The following NCOA2 variants were observed in gnomAD, a reference collection of about 807,000 sequenced individuals.
NCOA2 encodes class E basic helix-loop-helix protein 75.
Under a neutral mutation model 145.1 loss-of-function variants are expected in NCOA2, and 21 were observed. The observed-to-expected ratio is 0.14, with a 90% CI of 0.10 to 0.21. The LOEUF (loss-of-function observed/expected upper bound fraction) is 0.21, where lower values mean the gene tolerates loss of function less well. Ranked by LOEUF, NCOA2 falls within the 10% of genes least tolerant of loss-of-function variation. The pLI, the probability that NCOA2 is intolerant of heterozygous loss-of-function variation, is 1.00. For synonymous variants in NCOA2, 619 were observed against 637.5 expected, an observed-to-expected ratio of 0.97 and a Z score of 0.44; for missense variants, 1,472 against 1,837.6, an observed-to-expected ratio of 0.80 and a Z score of 3.64.
chr8:70,371,115 C>T (rs974401645), intron 1 of NCOA2, among the ~76,000 whole-genome samples: 1 of 151,858 alleles, frequency 6.6e-6, no homozygotes, highest in Non-Finnish European at 1.5e-5. Context: ...GTGAAACCCC[C>T]GTCTCTACTA....
intron 5 of NCOA2, among the ~76,000 whole-genome samples, chr8:70,172,197 A>C (rs1164949709): frequency 1.3e-5 from 2 of 152,096 alleles, no homozygotes; most frequent in Non-Finnish European, 2.9e-5. Context: ...GCCTCAAGTG[A>C]TCCTCCCACC....
intron 2 of NCOA2, chr8:70,273,973 T>TA: frequency 2.8e-6 from 1 of 359,436 alleles, no homozygotes; most frequent in Non-Finnish European, 5.4e-6. Flanking sequence ...AGATCTCTAA[T>TA]ATTTTTAAGC....
chr8:70,378,530 T>G (rs533536274), intron 1 of NCOA2, among the ~76,000 whole-genome samples: 1 of 152,074 alleles, frequency 6.6e-6, no homozygotes, highest in South Asian at 2.1e-4. Flanking sequence ...GGAGATGGTT[T>G]GTAGCTTTGG....
intron 2 of NCOA2, among the ~76,000 whole-genome samples, chr8:70,271,122 T>C (rs1245752272): frequency 6.6e-6 from 1 of 152,202 alleles, no homozygotes; most frequent in Non-Finnish European, 1.5e-5. Context: ...AACACAGGCA[T>C]ATGCTCTTTT....
At position 70,311,460 on chromosome 8, in the gene NCOA2, A is replaced by G. The variant is rs183228063; in HGVS notation, c.-76-14660T>C. Among the ~76,000 whole-genome samples, 163 of 152,376 alleles carry G rather than the reference A, an allele frequency of 1.1e-3. 1 individual carries two copies. Among genetic ancestry groups the G allele is most frequent in the African/African-American group, 3.7e-3 (153 of 41,592 alleles). On this transcript the variant is annotated intron_variant, in intron 1 of 22. Coordinates refer to ENST00000452400, the MANE Select transcript of NCOA2 (RefSeq NM_006540.4). ...ATATGATGCAAAAAAGAAAAAAATTATCACTGCTAAAAAGCAACTTATTAA... is the reference window on the plus strand; with the variant it reads ...ATATGATGCAAAAAAGAAAAAAATTGTCACTGCTAAAAAGCAACTTATTAA...
At chr8:70,175,598 T>G (rs1351232140) in intron 4 of NCOA2, among the ~76,000 whole-genome samples, 1 of 152,234 alleles carries the variant, frequency 6.6e-6, no homozygotes, top group Non-Finnish European at 1.5e-5. Context: ...ATGAGAATGT[T>G]TTGTGAAAAA....
Position 70,174,833 on chromosome 8 carries a change from C to T in NCOA2, c.286G>A (p.Glu96Lys). ...GAGGATACATCTGACTTCTGCACTT[C>T]ATCTATGTTGGCAGCTGCTGCTTTC... ...QEKAAAANID[E>K]VQKSDVSSTG... The change falls in exon 5 of 23, where the codon GAA becomes AAA. Residue 96 changes from glutamate to lysine, a missense_variant. Transcript: ENST00000452400. The T allele has an allele frequency of 6.2e-7, 1 of 1,613,690 alleles. No homozygotes were observed. The highest frequency in any genetic ancestry group is 1.1e-5 in the South Asian group (1 of 91,076).
At chr8:70,441,371 GAGAA>G in the NCOA2 span, among the ~76,000 whole-genome samples, 8 of 124,556 alleles carry the variant, frequency 6.4e-5, no homozygotes, top group Admixed American at 5.3e-4. Context: ...AGAAAGGAGA[GAGAA>G]AGAAAGAAGA....
intron 2 of NCOA2, among the ~76,000 whole-genome samples, chr8:70,218,128 G>C (rs1819804912): frequency 6.6e-6 from 1 of 151,900 alleles, no homozygotes; most frequent in Non-Finnish European, 1.5e-5. Context: ...CTGTAATCTG[G>C]GCTGCCCAGT....
the NCOA2 span, among the ~76,000 whole-genome samples, chr8:70,446,726 G>T: frequency 6.6e-6 from 1 of 151,912 alleles, no homozygotes; most frequent in Non-Finnish European, 1.5e-5. Context: ...CATTTAAATT[G>T]ATTTTTCTGA....
intron 18 of NCOA2, among the ~76,000 whole-genome samples, chr8:70,127,367 C>T (rs1808543033): frequency 6.6e-6 from 1 of 152,236 alleles, no homozygotes; most frequent in South Asian, 2.1e-4. Flanking sequence ...TATAAGAAGA[C>T]TGTAATATAA....
chr8:70,287,323 T>C (rs1424957779), intron 2 of NCOA2, among the ~76,000 whole-genome samples: 4 of 152,258 alleles, frequency 2.6e-5, no homozygotes, highest in South Asian at 4.1e-4. Flanking sequence ...TCTTAGAATG[T>C]AGTATTTTCT....
intron 1 of NCOA2, chr8:70,402,614 G>A (rs1586697170): frequency 6.6e-6 from 1 of 151,314 alleles, no homozygotes; most frequent in East Asian, 2.0e-4. Context: ...GGCCCGAGAG[G>A]GCCGGGTCCC....
At chr8:70,126,332 A>G (rs1473316800) in intron 19 of NCOA2, among the ~76,000 whole-genome samples, 1 of 152,216 alleles carries the variant, frequency 6.6e-6, no homozygotes, top group Non-Finnish European at 1.5e-5. Context: ...AGAATTACCT[A>G]TTCATTAATG....
chr8:70,374,721 G>C (rs1372663785), intron 1 of NCOA2, among the ~76,000 whole-genome samples: 1 of 151,366 alleles, frequency 6.6e-6, no homozygotes, highest in African/African-American at 2.4e-5. Flanking sequence ...AAGATCGCTT[G>C]AGCACAGGAG....
chr8:70,347,355 G>C (rs1000774160), intron 1 of NCOA2, among the ~76,000 whole-genome samples: 12 of 152,022 alleles, frequency 7.9e-5, no homozygotes, highest in Non-Finnish European at 1.2e-4. Context: ...CTTGGTGGCG[G>C]GTGCCTATAA....
intron 1 of NCOA2, among the ~76,000 whole-genome samples, chr8:70,370,755 G>A (rs1176629379): frequency 6.6e-6 from 1 of 151,992 alleles, no homozygotes; most frequent in Non-Finnish European, 1.5e-5. Context: ...GGAAAAAAAA[G>A]AGAAGGAAGG....
intron 1 of NCOA2, among the ~76,000 whole-genome samples, chr8:70,335,305 A>C (rs1015709087): frequency 3.9e-5 from 6 of 152,022 alleles, no homozygotes; most frequent in African/African-American, 1.4e-4. Context: ...AAACACATTC[A>C]CACAGGTACC....
chr8:70,315,225 C>T (rs1339817437), intron 1 of NCOA2, among the ~76,000 whole-genome samples: 3 of 152,096 alleles, frequency 2.0e-5, no homozygotes, highest in Non-Finnish European at 2.9e-5. Flanking sequence ...GGGCATTCAA[C>T]ACCTCTAAGA....
Sources: gnomAD v4.1 joint callset for allele counts (sites outside exome capture counted in the v4.1 genomes callset) on GRCh38, gnomAD v4.1.1 for gene constraint, MANE v1.5 for transcripts, NCBI Gene and HGNC (gene_info 2026-07-23, HGNC 2026-07-21) for gene names.